The following CNTNAP2 variants were observed in gnomAD, a reference collection of about 807,000 sequenced individuals.
CNTNAP2 encodes the protein contactin-associated protein-like 2.
In CNTNAP2, 98 loss-of-function variants were observed where a neutral mutation model predicts 155.2. The ratio of observed to expected loss-of-function variants is 0.63; its 90% CI spans 0.54 to 0.75. CNTNAP2 has a LOEUF of 0.75. Ranked by LOEUF, CNTNAP2 falls within the 30% of genes least tolerant of loss-of-function variation. CNTNAP2 has a pLI of 0.00. For synonymous variants in CNTNAP2, 651 were observed against 631.2 expected (o/e 1.03, Z -0.47); for missense variants, 1,727 against 1,688.1 (o/e 1.02, Z -0.40).
At chr7:147,733,946 T>A (rs142708380) in intron 13 of CNTNAP2, among the ~76,000 whole-genome samples, 1 of 152,308 alleles carries the variant, frequency 6.6e-6, no homozygotes, top group East Asian at 1.9e-4. Context: ...AGATATACAA[T>A]CATTTCATCT....
intron 9 of CNTNAP2, among the ~76,000 whole-genome samples, chr7:147,342,883 G>A (rs1044363965): frequency 6.6e-6 from 1 of 152,084 alleles, no homozygotes; most frequent in Admixed American, 6.6e-5. Flanking sequence ...ATGAATAAAT[G>A]AGCCCCTCCA....
intron 16 of CNTNAP2, among the ~76,000 whole-genome samples, chr7:148,126,481 A>ATC (rs1167397373): frequency 6.6e-6 from 1 of 152,234 alleles, no homozygotes; most frequent in Non-Finnish European, 1.5e-5. Context: ...GTGGAAGGAC[A>ATC]GGTCACGGTT....
chr7:147,365,249 C>A (rs78763070), intron 9 of CNTNAP2, among the ~76,000 whole-genome samples: 1 of 151,634 alleles, frequency 6.6e-6, no homozygotes, highest in Non-Finnish European at 1.5e-5. Context: ...ACTACAAATA[C>A]AGAAATTAGC....
intron 1 of CNTNAP2, among the ~76,000 whole-genome samples, chr7:146,615,540 C>T (rs191516330): frequency 1.3e-4 from 20 of 152,322 alleles, no homozygotes; most frequent in Non-Finnish European, 2.6e-4. Flanking sequence ...TAATTGGTTG[C>T]AGGTGCTGTT....
At chr7:146,369,059 A>G (rs1276425203) in intron 1 of CNTNAP2, among the ~76,000 whole-genome samples, 1 of 145,314 alleles carries the variant, frequency 6.9e-6, no homozygotes, top group African/African-American at 2.6e-5. Context: ...ATACATATAT[A>G]TATATACTCA....
intron 11 of CNTNAP2, among the ~76,000 whole-genome samples, chr7:147,542,413 A>G (rs1311132834): frequency 6.6e-6 from 1 of 152,136 alleles, no homozygotes; most frequent in Admixed American, 6.6e-5. Flanking sequence ...CCAAGACTTC[A>G]TTTACGGACT....
intron 1 of CNTNAP2, among the ~76,000 whole-genome samples, chr7:146,242,149 A>G (rs1425902575): frequency 6.6e-6 from 1 of 152,200 alleles, no homozygotes; most frequent in African/African-American, 2.4e-5. Context: ...AGTATTGAGT[A>G]AAATCACTGA....
chr7:147,807,985 T>A lies in CNTNAP2; in HGVS notation c.2099-95580T>A, dbSNP rs144346662. Among the ~76,000 whole-genome samples the A allele has an allele frequency of 2.3e-3, 328 of 142,926 alleles. 1 individual carries two copies. The highest frequency in any genetic ancestry group is 3.6e-3 in the Non-Finnish European group (220 of 61,660). The allele number at this position is 142,926 out of a possible 152,430, so 93.8% of individuals were successfully genotyped here. A position where few individuals can be genotyped will look rare whatever the true frequency, so the allele number is the denominator to read the frequency against. ...TTTAGTGATATGTTCACTTTCTTTT[T>A]TAAAAAAAAAAAATAAAAAGTAGTT... On this transcript the variant is annotated intron_variant, in intron 13 of 23. Transcript: ENST00000361727.
intron 3 of CNTNAP2, among the ~76,000 whole-genome samples, chr7:146,947,557 G>GTATGTA (rs1797210847): frequency 2.0e-5 from 1 of 50,714 alleles, no homozygotes; most frequent in African/African-American, 5.7e-5. Context: ...GTGTGTGTGT[G>GTATGTA]TATATATATA....
At chr7:148,131,880 G>A (rs970216302) in intron 16 of CNTNAP2, among the ~76,000 whole-genome samples, 2 of 151,966 alleles carry the variant, frequency 1.3e-5, no homozygotes, top group African/African-American at 4.8e-5. Context: ...ATAAATCAGG[G>A]AGTAGAGCTT....
chr7:147,662,120 T>G (rs1224306416), intron 13 of CNTNAP2, among the ~76,000 whole-genome samples: 3 of 152,156 alleles, frequency 2.0e-5, no homozygotes, highest in Non-Finnish European at 2.9e-5. Flanking sequence ...TTATTTCCTA[T>G]AATACCAAGA....
intron 1 of CNTNAP2, among the ~76,000 whole-genome samples, chr7:146,484,937 A>T (rs1797031638): frequency 6.6e-6 from 1 of 152,168 alleles, no homozygotes; most frequent in African/African-American, 2.4e-5. Flanking sequence ...TAATTTAGAA[A>T]TTGATCGTGC....
intron 16 of CNTNAP2, among the ~76,000 whole-genome samples, chr7:148,145,937 A>C (rs1020007914): frequency 1.3e-5 from 2 of 152,218 alleles, no homozygotes; most frequent in Non-Finnish European, 2.9e-5. Context: ...ATGAAGGATC[A>C]AAATTCCTTG....
At chr7:146,544,395 C>T (rs527278437) in intron 1 of CNTNAP2, among the ~76,000 whole-genome samples, 1 of 152,050 alleles carries the variant, frequency 6.6e-6, no homozygotes, top group African/African-American at 2.4e-5. Context: ...GAGGCCTTTG[C>T]CTTTAACAGC....
intron 21 of CNTNAP2, among the ~76,000 whole-genome samples, chr7:148,374,589 T>C (rs1798948549): frequency 6.6e-6 from 1 of 152,108 alleles, no homozygotes; most frequent in Non-Finnish European, 1.5e-5. Context: ...TTAACGTGGT[T>C]CTCCAAAGCC....
intron 9 of CNTNAP2, among the ~76,000 whole-genome samples, chr7:147,307,750 G>C (rs899614): frequency 0.3 from 45,895 of 152,062 alleles, 8,871 homozygotes; most frequent in East Asian, 0.71. Context: ...TTTTGCAAAT[G>C]TTTTTGAATT....
chr7:146,128,097 C>A (rs1015508767), intron 1 of CNTNAP2, among the ~76,000 whole-genome samples: 3 of 152,156 alleles, frequency 2.0e-5, no homozygotes, highest in African/African-American at 7.2e-5. Flanking sequence ...TCACAATGAT[C>A]CCTGCAGTGA....
intron 1 of CNTNAP2, among the ~76,000 whole-genome samples, chr7:146,454,728 G>T (rs1563090360): frequency 1.3e-5 from 2 of 151,808 alleles, no homozygotes. Flanking sequence ...CAAAATAAGA[G>T]AGATAGATAG....
Position 146,698,986 on chromosome 7 carries a change from T to A in CNTNAP2, c.98-75285T>A, listed in dbSNP as rs954597842. ...CTTCCTTTCAATTCTTTCTTGGAGTTCTCATCTCTATGCCTGCATTACCTA... is the reference window on the plus strand; with the variant it reads ...CTTCCTTTCAATTCTTTCTTGGAGTACTCATCTCTATGCCTGCATTACCTA... On this transcript the variant is annotated intron_variant, in intron 1 of 23. Coordinates refer to ENST00000361727, the MANE Select transcript of CNTNAP2 (RefSeq NM_014141.6). Among the ~76,000 whole-genome samples, 8 of 152,304 alleles carry A rather than the reference T, an allele frequency of 5.3e-5. No homozygotes were observed. In the East Asian group the frequency reaches 1.5e-3, roughly 29 times the overall value.
Sources: allele counts gnomAD v4.1 joint callset (sites outside exome capture counted in the v4.1 genomes callset), GRCh38; gene constraint gnomAD v4.1.1; transcripts MANE v1.5; gene names NCBI Gene and HGNC (gene_info 2026-07-23, HGNC 2026-07-21).